Variants in C12orf56 observed in about 807,000 individuals in gnomAD.
C12orf56 encodes the protein uncharacterized protein C12orf56.
Under a neutral mutation model 69.9 loss-of-function variants are expected in C12orf56, and 71 were observed. The observed-to-expected ratio is 1.02, with a 90% CI of 0.84 to 1.24. The LOEUF (loss-of-function observed/expected upper bound fraction) is 1.24, where lower values mean the gene tolerates loss of function less well. C12orf56 is among the 50% of genes most tolerant of loss of function. C12orf56 has a pLI of 0.00. For synonymous variants in C12orf56, 276 were observed against 274.1 expected, an observed-to-expected ratio of 1.01 and a Z score of -0.07; for missense variants, 732 against 738.5, an observed-to-expected ratio of 0.99 and a Z score of 0.10.
chr12:64,295,658 G>A (rs1397013292), intron 6 of C12orf56, among the ~76,000 whole-genome samples: 2 of 150,458 alleles, frequency 1.3e-5, no homozygotes, highest in Non-Finnish European at 2.9e-5. Context: ...GTGACAGAGT[G>A]AGACTCCATC....
At chr12:64,328,939 C>T (rs1445603559) in intron 3 of C12orf56, among the ~76,000 whole-genome samples, 1 of 150,998 alleles carries the variant, frequency 6.6e-6, no homozygotes, top group Non-Finnish European at 1.5e-5. Context: ...GTGGTGGGCA[C>T]CTGTGATCCC....
At position 64,390,450 on chromosome 12, in the gene C12orf56, C is replaced by A; in HGVS notation, c.116G>T (p.Cys39Phe). Residue 39 changes from cysteine (C) to phenylalanine (F), a missense_variant, in exon 1 of 13, where the codon TGC (cysteine) becomes TTC (phenylalanine). Transcript: ENST00000543942. Reference protein sequence around the residue: ...VYDAVRAYEPCIVVSNSENHI... With the variant: ...VYDAVRAYEPFIVVSNSENHI... The stretch of plus-strand genomic sequence containing the variant: ...GTTCTCAGAGTTGGACACCACGATG[C>A]ATGGCTCGTAGGCGCGGACCGCGTC... The A allele has an allele frequency of 6.2e-7, 1 of 1,610,790 alleles. No homozygotes were observed. The highest frequency in any genetic ancestry group is 8.5e-7 in the Non-Finnish European group (1 of 1,179,724).
At chr12:64,374,406 T>C (rs892361411) in intron 1 of C12orf56, among the ~76,000 whole-genome samples, 1 of 152,168 alleles carries the variant, frequency 6.6e-6, no homozygotes, top group Non-Finnish European at 1.5e-5. Flanking sequence ...GATGACAATC[T>C]TGAATGGAGA....
intron 2 of C12orf56, among the ~76,000 whole-genome samples, chr12:64,341,271 T>C (rs1592468942): frequency 6.6e-6 from 1 of 152,310 alleles, no homozygotes; most frequent in Non-Finnish European, 1.5e-5. Flanking sequence ...AGTGGATCTC[T>C]AGGGGTGATG....
At chr12:64,267,877 AT>A (rs551215664) in intron 12 of C12orf56, among the ~76,000 whole-genome samples, 1 of 152,106 alleles carries the variant, frequency 6.6e-6, no homozygotes, top group Non-Finnish European at 1.5e-5. Context: ...GGTTATCAGT[AT>A]TTTTTTAATA....
At chr12:64,357,413 T>C (rs1454161720) in intron 1 of C12orf56, among the ~76,000 whole-genome samples, 1 of 150,268 alleles carries the variant, frequency 6.7e-6, no homozygotes, top group Non-Finnish European at 1.5e-5. Context: ...TCTTTTTTTT[T>C]TCTTTCTTTT....
chr12:64,389,099 C>T (rs1437974540), intron 1 of C12orf56: 1 of 152,180 alleles, frequency 6.6e-6, no homozygotes, highest in African/African-American at 2.4e-5. Context: ...CAACCTCTCC[C>T]TTGGGGCTCA....
chr12:64,303,972 A>G (rs2038480519), intron 5 of C12orf56, among the ~76,000 whole-genome samples, 193 bp from the exon 6 acceptor site: 1 of 152,192 alleles, frequency 6.6e-6, no homozygotes, highest in South Asian at 2.1e-4. Context: ...TTACGCTCCA[A>G]ACATACTTTT....
chr12:64,293,642 A>T (rs943743343), intron 6 of C12orf56, among the ~76,000 whole-genome samples: 1 of 152,248 alleles, frequency 6.6e-6, no homozygotes, highest in African/African-American at 2.4e-5. Flanking sequence ...TATCACTGTT[A>T]TTATGACCTC....
At chr12:64,308,645 C>T (rs1240725353) in intron 5 of C12orf56, among the ~76,000 whole-genome samples, 1 of 151,546 alleles carries the variant, frequency 6.6e-6, no homozygotes, top group African/African-American at 2.4e-5. Flanking sequence ...TCATTCGAGA[C>T]CAGCCTGGCC....
At chr12:64,390,042 G>A (rs1156388981) in intron 1 of C12orf56, among the ~76,000 whole-genome samples, 1 of 152,106 alleles carries the variant, frequency 6.6e-6, no homozygotes, top group African/African-American at 2.4e-5. Flanking sequence ...TTTTTGATAG[G>A]GAGCTCGGTT....
At chr12:64,377,389 A>G (rs2039656700) in intron 1 of C12orf56, among the ~76,000 whole-genome samples, 1 of 151,828 alleles carries the variant, frequency 6.6e-6, no homozygotes, top group Non-Finnish European at 1.5e-5. Flanking sequence ...GGGTTTCATC[A>G]TATTGGCCAG....
At chr12:64,354,160 C>G (rs2039274015) in intron 1 of C12orf56, among the ~76,000 whole-genome samples, 1 of 152,188 alleles carries the variant, frequency 6.6e-6, no homozygotes, top group Admixed American at 6.5e-5. Context: ...CTCCAACGTG[C>G]TCTGTTCTCT....
intron 1 of C12orf56, among the ~76,000 whole-genome samples, chr12:64,386,215 T>C (rs868797885): frequency 1.3e-5 from 2 of 152,010 alleles, no homozygotes; most frequent in African/African-American, 4.8e-5. Context: ...TTTGTAATTT[T>C]TAATTTTTAT....
At chr12:64,358,927 G>A (rs2039360161) in intron 1 of C12orf56, among the ~76,000 whole-genome samples, 1 of 152,084 alleles carries the variant, frequency 6.6e-6, no homozygotes, top group South Asian at 2.1e-4. Flanking sequence ...AAAGGAAGGT[G>A]GTTTCTTCTT....
rs149248618 is a variant in C12orf56, at chr12:64,377,673, C to T, written c.252+12641G>A. On this transcript the variant is annotated intron_variant, in intron 1 of 12. Transcript: ENST00000543942. ...TATTTCTTTTATCAGCTTTTAATTTCAGAGAAAAAAAGACCCCTAAGCTTT... is the reference window on the plus strand; with the variant it reads ...TATTTCTTTTATCAGCTTTTAATTTTAGAGAAAAAAAGACCCCTAAGCTTT... 2.3e-3 allele frequency among the ~76,000 whole-genome samples: 345 copies of T among 152,020 alleles called. 2 individuals carry two copies. Among genetic ancestry groups the T allele is most frequent in the Middle Eastern group, 0.014 (4 of 294 alleles).
chr12:64,275,503 C>A, intron 9 of C12orf56, 131 bp from the exon 10 acceptor site: 1 of 460,178 alleles, frequency 2.2e-6, no homozygotes, highest in Non-Finnish European at 3.9e-6. Context: ...ATGCTGCCAC[C>A]CAGGTGGGAG....
intron 1 of C12orf56, among the ~76,000 whole-genome samples, chr12:64,371,306 GACAATCACTTGA>G (rs1321585645): frequency 6.6e-6 from 1 of 152,008 alleles, no homozygotes; most frequent in Non-Finnish European, 1.5e-5. Context: ...ACTGAGGTGT[GACAATCACTTGA>G]ACCCAAGAGG....
chr12:64,358,029 T>C (rs1408105995), intron 1 of C12orf56, among the ~76,000 whole-genome samples: 1 of 152,226 alleles, frequency 6.6e-6, no homozygotes, highest in Admixed American at 6.5e-5. Context: ...CAAGGGGACA[T>C]ATTTGTGTAT....
Sources: gnomAD v4.1 joint callset for allele counts (sites outside exome capture counted in the v4.1 genomes callset) on GRCh38, gnomAD v4.1.1 for gene constraint, MANE v1.5 for transcripts, NCBI Gene and HGNC (gene_info 2026-07-23, HGNC 2026-07-21) for gene names.